SLC16A7: variants seen among roughly 807,000 people sequenced by gnomAD.
SLC16A7 encodes the protein solute carrier family 16 member 7.
SLC16A7 carries 33 observed loss-of-function variants against 34.9 expected under a neutral mutation model. The observed-to-expected ratio is 0.94, with a 90% CI of 0.72 to 1.26. The LOEUF (loss-of-function observed/expected upper bound fraction) is 1.26. Ranked by LOEUF, SLC16A7 falls within the 50% of genes most tolerant of loss-of-function variation. The probability of loss-of-function intolerance (pLI) is 0.00; values close to 1 mark genes in which losing one functional copy is unlikely to be tolerated. For synonymous variants in SLC16A7, 201 were observed against 206.6 expected, an observed-to-expected ratio of 0.97 and a Z score of 0.23; for missense variants, 573 against 578.1, an observed-to-expected ratio of 0.99 and a Z score of 0.09.
chr12:59,709,552 A>G (rs777384971), intron 3 of SLC16A7, among the ~76,000 whole-genome samples: 3 of 151,672 alleles, frequency 2.0e-5, no homozygotes, highest in Non-Finnish European at 4.4e-5. Context: ...GGCTATTAAA[A>G]TAATTCATGC....
At chr12:59,768,160 G>GA (rs35166468) in intron 3 of SLC16A7, 116,913 of 455,314 alleles carry the variant, frequency 0.26, 15,412 homozygotes, top group East Asian at 0.31. Context: ...ATGAATCTGG[G>GA]AAAAGGAGAT....
intron 3 of SLC16A7, among the ~76,000 whole-genome samples, chr12:59,732,371 G>A (rs766350053): frequency 1.1e-4 from 17 of 152,166 alleles, no homozygotes; most frequent in East Asian, 1.9e-4. Flanking sequence ...AGTGAGCCGA[G>A]ATCGCGCCAC....
At chr12:59,627,600 G>A (rs1193162803) in intron 1 of SLC16A7, among the ~76,000 whole-genome samples, 2 of 151,680 alleles carry the variant, frequency 1.3e-5, no homozygotes, top group Admixed American at 1.3e-4. Context: ...AATTTTCTCT[G>A]GATAAATCCA....
At chr12:59,632,442 A>T (rs1298636932) in intron 1 of SLC16A7, among the ~76,000 whole-genome samples, 1 of 151,932 alleles carries the variant, frequency 6.6e-6, no homozygotes, top group Non-Finnish European at 1.5e-5. Context: ...CATCCCTGGC[A>T]TCTACCCAGT....
At chr12:59,713,016 T>TTTTCTTTTC (rs1565666768) in intron 3 of SLC16A7, among the ~76,000 whole-genome samples, 3 of 151,746 alleles carry the variant, frequency 2.0e-5, no homozygotes, top group Non-Finnish European at 4.4e-5. Flanking sequence ...CTTTTCTTTT[T>TTTTCTTTTC]TTTTCTTTTC....
In SLC16A7 at chr12:59,784,221, A is replaced by G. The variant is rs553748226; in HGVS notation, c.*4542A>G. 6.6e-6 allele frequency: 1 copy of G among 152,164 alleles called. No individual in the cohort carries two copies. Among genetic ancestry groups the G allele is most frequent in the Non-Finnish European group, 1.5e-5 (1 of 68,000 alleles). The allele number at this position is 152,164 out of a possible 1,614,324, so 9.4% of individuals were successfully genotyped here. A position where few individuals can be genotyped will look rare whatever the true frequency, so the allele number is the denominator to read the frequency against. On this transcript the variant is annotated 3_prime_UTR_variant, in exon 6 of 6. Transcript: ENST00000547379. The stretch of plus-strand genomic sequence containing the variant: ...ATATCATGATTCAAAAAGTAAAATA[A>G]TTACCTGGATGTGGTGATGTGCACC...
At chr12:59,707,431 C>G (rs1873713035) in intron 3 of SLC16A7, among the ~76,000 whole-genome samples, 2 of 151,974 alleles carry the variant, frequency 1.3e-5, no homozygotes, top group Non-Finnish European at 2.9e-5. Flanking sequence ...TCTCAAACCA[C>G]TAAATCTCAA....
At chr12:59,719,747 T>A (rs1188796075) in intron 3 of SLC16A7, 6 of 241,284 alleles carry the variant, frequency 2.5e-5, no homozygotes, top group Non-Finnish European at 4.7e-5. Context: ...TTTTACCCCA[T>A]CCCCACCTCC....
intron 3 of SLC16A7, among the ~76,000 whole-genome samples, chr12:59,751,889 G>A (rs1879622471): frequency 6.6e-6 from 1 of 152,054 alleles, no homozygotes; most frequent in African/African-American, 2.4e-5. Context: ...CACACGGCCG[G>A]GTACTCCTCT....
At chr12:59,750,334 T>C (rs1016606176) in intron 3 of SLC16A7, among the ~76,000 whole-genome samples, 38 of 152,084 alleles carry the variant, frequency 2.5e-4, no homozygotes, top group African/African-American at 8.9e-4. Flanking sequence ...AGGGCTAGTA[T>C]CCAGAATCTA....
intron 1 of SLC16A7, among the ~76,000 whole-genome samples, chr12:59,626,453 T>G (rs1452173518): frequency 1.3e-5 from 2 of 151,800 alleles, no homozygotes. Flanking sequence ...TTGATTCATC[T>G]CATTAATCCA....
intron 1 of SLC16A7, among the ~76,000 whole-genome samples, chr12:59,606,917 G>C (rs566199549): frequency 1.2e-3 from 176 of 152,226 alleles, no homozygotes; most frequent in South Asian, 7.7e-3. Flanking sequence ...ACAACCCAGA[G>C]TAGGATTAGT....
chr12:59,712,066 G>A (rs1028337004), intron 3 of SLC16A7, among the ~76,000 whole-genome samples: 4 of 152,174 alleles, frequency 2.6e-5, no homozygotes, highest in South Asian at 2.1e-4. Context: ...ACATTTATGA[G>A]TGCATATGTG....
intron 3 of SLC16A7, among the ~76,000 whole-genome samples, chr12:59,746,603 A>G (rs960080576): frequency 3.9e-5 from 6 of 152,198 alleles, no homozygotes; most frequent in Non-Finnish European, 8.8e-5. Flanking sequence ...TCCCTCAAGA[A>G]CATCTTTAAT....
At chr12:59,726,722 C>T (rs1318446264) in intron 3 of SLC16A7, among the ~76,000 whole-genome samples, 1 of 152,098 alleles carries the variant, frequency 6.6e-6, no homozygotes, top group Non-Finnish European at 1.5e-5. Flanking sequence ...GAGATGCTGG[C>T]TGTGGTGTTT....
intron 3 of SLC16A7, among the ~76,000 whole-genome samples, chr12:59,748,595 A>G (rs1267659058): frequency 6.6e-6 from 1 of 152,202 alleles, no homozygotes; most frequent in Non-Finnish European, 1.5e-5. Context: ...ATTGCTTGAT[A>G]TGTACCATAG....
chr12:59,705,778 G>A (rs1183040878), intron 3 of SLC16A7, among the ~76,000 whole-genome samples: 2 of 151,982 alleles, frequency 1.3e-5, no homozygotes, highest in East Asian at 1.9e-4. Context: ...ATGTCTTTTA[G>A]CGTTTTTATT....
At chr12:59,757,065 A>C (rs965645566) in intron 3 of SLC16A7, among the ~76,000 whole-genome samples, 4 of 134,388 alleles carry the variant, frequency 3.0e-5, no homozygotes, top group African/African-American at 1.1e-4. Flanking sequence ...ATGAGAACAC[A>C]TGGACACAGG....
chr12:59,662,347 TTAA>T (rs1453975858), intron 2 of SLC16A7, among the ~76,000 whole-genome samples: 1 of 152,144 alleles, frequency 6.6e-6, no homozygotes, highest in African/African-American at 2.4e-5. Context: ...AAACACAGAA[TTAA>T]TAACCTATTC....
Sources: allele counts gnomAD v4.1 joint callset (sites outside exome capture counted in the v4.1 genomes callset), GRCh38; gene constraint gnomAD v4.1.1; transcripts MANE v1.5; gene names NCBI Gene and HGNC (gene_info 2026-07-23, HGNC 2026-07-21).